DLEU7: variants seen among roughly 807,000 people sequenced by gnomAD.
DLEU7 encodes the protein leukemia-associated protein 7.
In DLEU7, 17 loss-of-function variants were observed where a neutral mutation model predicts 16.0. That is an observed-to-expected ratio of 1.06 (90% confidence interval 0.73 to 1.59). The LOEUF (loss-of-function observed/expected upper bound fraction) is 1.59. Among genes scored for constraint, DLEU7 ranks in the 40% most tolerant of loss-of-function variants. The pLI is 0.00. For synonymous variants in DLEU7, 113 were observed against 139.8 expected, an observed-to-expected ratio of 0.81 and a Z score of 1.35; for missense variants, 308 against 314.9, an observed-to-expected ratio of 0.98 and a Z score of 0.17.
chr13:50,822,514 C>T (rs1446603645), downstream of DLEU7: 1 of 544,008 alleles, frequency 1.8e-6, no homozygotes, highest in Non-Finnish European at 2.3e-6. Context: ...AAATCACCTT[C>T]TCTCTTCCCG....
At chr13:50,760,664 A>G (rs1271560893) in intron 1 of DLEU7, among the ~76,000 whole-genome samples, 1 of 152,204 alleles carries the variant, frequency 6.6e-6, no homozygotes, top group African/African-American at 2.4e-5. Context: ...GCCTGGCCCA[A>G]TTTTCTAATA....
chr13:50,740,323 C>A (rs184136716), intron 1 of DLEU7, among the ~76,000 whole-genome samples: 62 of 152,246 alleles, frequency 4.1e-4, no homozygotes, highest in African/African-American at 1.5e-3. Flanking sequence ...ATAAGAAAAT[C>A]AAGTCAATTT....
intron 1 of DLEU7, among the ~76,000 whole-genome samples, chr13:50,810,782 T>G (rs1339173276): frequency 3.9e-5 from 6 of 152,186 alleles, no homozygotes; most frequent in Non-Finnish European, 8.8e-5. Context: ...CTGTTGTGAA[T>G]TTTTTAGTTT....
At chr13:50,793,370 G>T (rs1035835883) in intron 1 of DLEU7, among the ~76,000 whole-genome samples, 8 of 152,180 alleles carry the variant, frequency 5.3e-5, no homozygotes, top group African/African-American at 1.9e-4. Flanking sequence ...TAGATACCCA[G>T]TAGTGAGATT....
chr13:50,736,031 T>C (rs1404231575), intron 1 of DLEU7, among the ~76,000 whole-genome samples: 1 of 152,156 alleles, frequency 6.6e-6, no homozygotes, highest in Non-Finnish European at 1.5e-5. Context: ...ATATAAATAG[T>C]TCTATCATGA....
chr13:50,711,733 C>G (rs1692508499), downstream of DLEU7: 1 of 145,404 alleles, frequency 6.9e-6, no homozygotes, highest in African/African-American at 2.7e-5. Context: ...AGGCATTTAA[C>G]AAGTATTATC....
chr13:50,711,084 A>C (rs1052448341), downstream of DLEU7: 1 of 152,172 alleles, frequency 6.6e-6, no homozygotes, highest in Non-Finnish European at 1.5e-5. Flanking sequence ...TAAATCTGGG[A>C]TCTGGAAATG....
At chr13:50,728,887 C>T (rs763159292) in intron 1 of DLEU7, among the ~76,000 whole-genome samples, 8 of 152,082 alleles carry the variant, frequency 5.3e-5, no homozygotes, top group Admixed American at 4.6e-4. Context: ...AAGGGTATTC[C>T]TTTACCACTG....
intron 1 of DLEU7, among the ~76,000 whole-genome samples, chr13:50,728,831 T>A (rs1873835586): frequency 6.6e-6 from 1 of 152,190 alleles, no homozygotes; most frequent in Non-Finnish European, 1.5e-5. Context: ...ATATAAAAAT[T>A]ATGTCATCAT....
chr13:50,711,178 G>T (rs911610590), downstream of DLEU7: 1 of 152,006 alleles, frequency 6.6e-6, no homozygotes, highest in Non-Finnish European at 1.5e-5. Context: ...CAAAAATATT[G>T]AGTATATCAA....
chr13:50,792,055 A>G (rs903286930), intron 1 of DLEU7, among the ~76,000 whole-genome samples: 1 of 152,196 alleles, frequency 6.6e-6, no homozygotes, highest in African/African-American at 2.4e-5. Flanking sequence ...TCTTTCATAC[A>G]TGAGCTCTAG....
intron 1 of DLEU7, among the ~76,000 whole-genome samples, chr13:50,780,854 C>T (rs1278012533): frequency 2.0e-5 from 3 of 152,098 alleles, no homozygotes; most frequent in Admixed American, 6.5e-5. Flanking sequence ...GGCTGGGAGT[C>T]AGTAAGTGTG....
chr13:50,836,998 A>G (rs912840161), intron 1 of DLEU7, among the ~76,000 whole-genome samples: 6 of 152,238 alleles, frequency 3.9e-5, no homozygotes, highest in Admixed American at 2.0e-4. Context: ...CACAAATCAC[A>G]GGGCCCAGAG....
chr13:50,843,804 C>T, upstream of DLEU7: 4 of 1,033,884 alleles, frequency 3.9e-6, no homozygotes, highest in Non-Finnish European at 5.3e-6. The surrounding 1 kb of genome is among the most constrained non-coding windows in gnomAD (Gnocchi z 5.7). Context: ...GGCTCTGAAT[C>T]GGTGACCCGT....
intron 1 of DLEU7, among the ~76,000 whole-genome samples, chr13:50,792,992 C>G (rs568616): frequency 6.6e-6 from 1 of 151,720 alleles, no homozygotes; most frequent in Non-Finnish European, 1.5e-5. Flanking sequence ...AATATAATAC[C>G]CCACAGGTAG....
intron 1 of DLEU7, among the ~76,000 whole-genome samples, chr13:50,796,880 G>A (rs1876121636): frequency 6.6e-6 from 1 of 152,096 alleles, no homozygotes; most frequent in African/African-American, 2.4e-5. Context: ...CACCCCATCT[G>A]ACCTGCACTG....
intron 1 of DLEU7, among the ~76,000 whole-genome samples, chr13:50,774,253 C>G (rs1192530203): frequency 1.3e-5 from 2 of 152,162 alleles, no homozygotes; most frequent in Non-Finnish European, 2.9e-5. Flanking sequence ...TCTGCTTCGT[C>G]TCACCCTCCT....
chr13:50,765,264 A>C (rs999837190), intron 1 of DLEU7, among the ~76,000 whole-genome samples: 1 of 152,232 alleles, frequency 6.6e-6, no homozygotes, highest in Non-Finnish European at 1.5e-5. Flanking sequence ...TATTATTAGG[A>C]AATGAAAAAT....
At chr13:50,778,466 C>G (rs1875564373) in intron 1 of DLEU7, among the ~76,000 whole-genome samples, 1 of 152,140 alleles carries the variant, frequency 6.6e-6, no homozygotes, top group South Asian at 2.1e-4. Flanking sequence ...TCTTTCCATC[C>G]CATAGCTATG....
Sources: gnomAD v4.1 joint callset for allele counts (sites outside exome capture counted in the v4.1 genomes callset) on GRCh38, gnomAD v4.1.1 for gene constraint, Gnocchi (gnomAD v3.1) non-coding constraint, MANE v1.5 for transcripts, NCBI Gene and HGNC (gene_info 2026-07-23, HGNC 2026-07-21) for gene names.